TRPM8: variants seen among roughly 807,000 people sequenced by gnomAD.
The protein encoded by TRPM8 is TRPM8 cationic channel.
Under a neutral mutation model 133.7 loss-of-function variants are expected in TRPM8, and 110 were observed. That is an observed-to-expected ratio of 0.82 (90% CI 0.70 to 0.96). The LOEUF is 0.96. Among genes scored for constraint, TRPM8 ranks in the 40% least tolerant of loss-of-function variants. TRPM8 has a pLI of 0.00. For missense variants in TRPM8, 1,291 were observed against 1,379.5 expected (o/e 0.94, Z 1.02); for synonymous variants, 535 against 532.3 (o/e 1.01, Z -0.07).
At position 233,983,116 on chromosome 2, in the gene TRPM8, AG is replaced by A. The variant is rs763281395; in HGVS notation, c.2655del (p.Arg885SerfsTer141). 1.2e-6 allele frequency: 2 copies of A among 1,614,108 alleles called. No homozygotes were observed. Among genetic ancestry groups the A allele is most frequent in the South Asian group, 2.2e-5 (2 of 91,074 alleles). The part of the protein sequence containing the change: ...AVWMVAFGVA[R>X]QGILRQNEQR... ...GTGGATGGTGGCCTTTGGCGTGGCC[AG>A]GCAAGGGATCCTTAGGCAGAATGAG... On this transcript the variant is annotated frameshift_variant, in exon 20 of 26. Transcript: ENST00000324695. LOFTEE classifies it high-confidence loss of function.
chr2:233,920,262 C>T (rs568696699), intron 1 of TRPM8, among the ~76,000 whole-genome samples: 27 of 152,230 alleles, frequency 1.8e-4, no homozygotes, highest in Admixed American at 3.3e-4. Context: ...AAAATGTGAA[C>T]GGTATTTCAA....
In TRPM8 at chr2:233,944,333, T is replaced by C. The variant is rs188807245; in HGVS notation, c.700-1523T>C. On this transcript the variant is annotated intron_variant, in intron 6 of 25. Transcript: ENST00000324695. Reference sequence around the variant, plus strand: ...CTATTAGCAATATTTGTAATGGGCATAGGAGTCAATGTAGTGTTGTATAAT... The same window carrying C: ...CTATTAGCAATATTTGTAATGGGCACAGGAGTCAATGTAGTGTTGTATAAT... Among the ~76,000 whole-genome samples, 6 of 152,332 alleles carry C rather than the reference T, an allele frequency of 3.9e-5. No homozygotes were observed. The East Asian group carries it at 1.2e-3, about 29-fold the overall frequency.
chr2:233,921,765 G>A (rs890251067), intron 1 of TRPM8, among the ~76,000 whole-genome samples: 1 of 140,618 alleles, frequency 7.1e-6, no homozygotes, highest in South Asian at 2.2e-4. Flanking sequence ...CAACCTCCCA[G>A]GTTCAAGGGA....
chr2:233,923,725 C>T (rs1216522925), intron 1 of TRPM8, among the ~76,000 whole-genome samples: 1 of 152,170 alleles, frequency 6.6e-6, no homozygotes, highest in African/African-American at 2.4e-5. Flanking sequence ...CTAGTCTCAG[C>T]TTCTGTCGTG....
intron 24 of TRPM8, among the ~76,000 whole-genome samples, chr2:234,011,173 A>G (rs779376971): frequency 1.1e-4 from 16 of 152,302 alleles, no homozygotes; most frequent in East Asian, 9.6e-4. Flanking sequence ...TAGGGGTCCA[A>G]TGTTATTCTT....
chr2:233,958,384 T>C (rs1691346226), intron 11 of TRPM8, among the ~76,000 whole-genome samples: 1 of 152,214 alleles, frequency 6.6e-6, no homozygotes, highest in Non-Finnish European at 1.5e-5. Flanking sequence ...TCTTCTCATA[T>C]GCTGGTGGTT....
chr2:233,937,295 T>C (rs2125078236), intron 3 of TRPM8, 58 bp from the exon 4 acceptor site: 1 of 1,594,902 alleles, frequency 6.3e-7, no homozygotes, highest in Non-Finnish European at 8.6e-7. Flanking sequence ...CAATACCAGT[T>C]TCCATAAGCA....
chr2:233,985,085 A>G (rs1192249470), intron 20 of TRPM8, among the ~76,000 whole-genome samples: 2 of 87,898 alleles, frequency 2.3e-5, no homozygotes. Flanking sequence ...TTCTGTCTGA[A>G]AAAAAAAAAA....
intron 22 of TRPM8, among the ~76,000 whole-genome samples, chr2:234,001,926 G>A (rs1036778607): frequency 6.6e-6 from 1 of 152,184 alleles, no homozygotes; most frequent in African/African-American, 2.4e-5. Flanking sequence ...GGGCCCTGGG[G>A]ATTTGGTGCT....
intron 22 of TRPM8, among the ~76,000 whole-genome samples, chr2:233,996,849 C>T (rs1230840826): frequency 2.0e-5 from 3 of 152,122 alleles, no homozygotes; most frequent in Non-Finnish European, 1.5e-5. Flanking sequence ...TTTCATTGTT[C>T]CCGTGAAATT....
chr2:233,943,001 G>A, intron 6 of TRPM8: 1 of 570,106 alleles, frequency 1.8e-6, no homozygotes, highest in Non-Finnish European at 3.1e-6. Flanking sequence ...ATCACAGTCA[G>A]GTTCTTTATT....
intron 25 of TRPM8, among the ~76,000 whole-genome samples, chr2:234,015,730 A>C (rs1370743231): frequency 6.6e-6 from 1 of 152,240 alleles, no homozygotes; most frequent in African/African-American, 2.4e-5. Flanking sequence ...TGTAATCTGA[A>C]AGGGAGGTAC....
intron 20 of TRPM8, among the ~76,000 whole-genome samples, chr2:233,985,024 C>T (rs1416356606): frequency 1.3e-5 from 2 of 150,862 alleles, no homozygotes; most frequent in Admixed American, 6.6e-5. Context: ...GTAGAGGTTG[C>T]AGTGAGCCGA....
intron 21 of TRPM8, among the ~76,000 whole-genome samples, chr2:233,994,179 C>T (rs1203460098): frequency 6.6e-5 from 10 of 152,158 alleles, no homozygotes; most frequent in Non-Finnish European, 1.0e-4. Flanking sequence ...CTTCCCTAAT[C>T]GGGGGCTGCT....
chr2:233,964,216 T>G (rs1331195922), intron 13 of TRPM8, among the ~76,000 whole-genome samples: 1 of 152,134 alleles, frequency 6.6e-6, no homozygotes, highest in African/African-American at 2.4e-5. Flanking sequence ...ATGAATGTTC[T>G]TGTTGGACAT....
chr2:234,008,224 T>G, intron 24 of TRPM8, 121 bp downstream of exon 24: 1 of 999,770 alleles, frequency 1.0e-6, no homozygotes, highest in Non-Finnish European at 1.5e-6. Context: ...CTTAATTCAC[T>G]GTCTAAGAGC....
intron 7 of TRPM8, chr2:233,946,368 C>T (rs1027257436): frequency 1.0e-5 from 2 of 199,472 alleles, no homozygotes; most frequent in African/African-American, 2.3e-5. Context: ...GTTTATGAAA[C>T]AACGCAATTA....
In TRPM8 at chr2:233,946,006, T is replaced by C. The variant is rs1168357155; in HGVS notation, c.850T>C (p.Tyr284His). Residue 284 changes from tyrosine (Y) to histidine (H), a missense_variant, in exon 7 of 26, where the codon TAT becomes CAT. Transcript: ENST00000324695. ...AAAGCTCCGGAATCAGCTAGAGAAG[T>C]ATATCTCTGAGCGCACTATTCAAGG... ...EAKLRNQLEK[Y>H]ISERTIQDSN... 6.2e-7 allele frequency: 1 copy of C among 1,614,070 alleles called. No homozygotes were observed. Among genetic ancestry groups the C allele is most frequent in the East Asian group, 2.2e-5 (1 of 44,868 alleles).
chr2:233,920,078 T>C (rs6709005), intron 1 of TRPM8, among the ~76,000 whole-genome samples: 58,979 of 151,978 alleles, frequency 0.39, 17,278 homozygotes, highest in African/African-American at 0.8. Context: ...TCACTGCAGA[T>C]GTCTCATGCT....
Sources: gnomAD v4.1 joint callset for allele counts (sites outside exome capture counted in the v4.1 genomes callset) on GRCh38, gnomAD v4.1.1 for gene constraint, MANE v1.5 for transcripts, NCBI Gene and HGNC (gene_info 2026-07-23, HGNC 2026-07-21) for gene names.